The following RAB31 variants were observed in gnomAD, a reference collection of about 807,000 sequenced individuals.
RAB31 encodes the protein RAB31, member RAS oncogene family.
RAB31 carries 21 observed loss-of-function variants against 25.6 expected under a neutral mutation model. The ratio of observed to expected loss-of-function variants is 0.82; its 90% CI spans 0.58 to 1.18. The LOEUF is 1.18. RAB31 is among the 50% of genes most tolerant of loss of function. The pLI, the probability that RAB31 is intolerant of heterozygous loss-of-function variation, is 0.00. For synonymous variants in RAB31, 87 were observed against 84.0 expected (o/e 1.04, Z -0.20); for missense variants, 196 against 250.1 (o/e 0.78, Z 1.46).
chr18:9,737,712 G>A (rs1488072433), intron 1 of RAB31, among the ~76,000 whole-genome samples: 1 of 152,140 alleles, frequency 6.6e-6, no homozygotes, highest in Non-Finnish European at 1.5e-5. Context: ...TTGTCACGAC[G>A]GCAGAAAATT....
At chr18:9,765,872 G>A (rs373641854) in intron 1 of RAB31, among the ~76,000 whole-genome samples, 2 of 150,840 alleles carry the variant, frequency 1.3e-5, no homozygotes, top group African/African-American at 4.9e-5. Flanking sequence ...TTGGGGACCC[G>A]AGACTCTTGT....
chr18:9,800,254 G>A (rs1353898171), intron 3 of RAB31, among the ~76,000 whole-genome samples: 2 of 152,102 alleles, frequency 1.3e-5, no homozygotes, highest in African/African-American at 4.8e-5. Context: ...CCCCTCCTGG[G>A]TTCTCTTGCT....
At chr18:9,825,995 C>T (rs1352800337) in intron 5 of RAB31, among the ~76,000 whole-genome samples, 1 of 152,126 alleles carries the variant, frequency 6.6e-6, no homozygotes, top group Admixed American at 6.5e-5. Context: ...ACGTGGGTGA[C>T]AGAATCAATT....
At chr18:9,758,205 C>T (rs1000657002) in intron 1 of RAB31, 5 of 152,324 alleles carry the variant, frequency 3.3e-5, no homozygotes, top group Non-Finnish European at 5.9e-5. Context: ...TTCGACCTCT[C>T]AGTTCCCTTG....
At chr18:9,770,852 C>CT (rs34745235) in intron 1 of RAB31, among the ~76,000 whole-genome samples, 4,446 of 128,508 alleles carry the variant, frequency 0.035, 95 homozygotes, top group Middle Eastern at 0.064. Flanking sequence ...AGAAATTTGA[C>CT]TTTTTTTTTT....
chr18:9,841,553 A>G (rs2068734424), intron 5 of RAB31, among the ~76,000 whole-genome samples: 1 of 151,640 alleles, frequency 6.6e-6, no homozygotes, highest in Admixed American at 6.6e-5. Flanking sequence ...AAAAAAAAAA[A>G]AAAAAATCTC....
At chr18:9,848,565 A>C (rs1411528649) in intron 6 of RAB31, among the ~76,000 whole-genome samples, 1 of 152,226 alleles carries the variant, frequency 6.6e-6, no homozygotes, top group African/African-American at 2.4e-5. Flanking sequence ...GTACACCTAA[A>C]TATACTGCAG....
intron 6 of RAB31, among the ~76,000 whole-genome samples, chr18:9,858,696 G>A (rs1195834107): frequency 6.6e-6 from 1 of 152,224 alleles, no homozygotes; most frequent in Non-Finnish European, 1.5e-5. Context: ...TCCAGTTAAT[G>A]ATCTAAATGC....
At chr18:9,735,167 G>T (rs1568165379) in intron 1 of RAB31, among the ~76,000 whole-genome samples, 2 of 152,108 alleles carry the variant, frequency 1.3e-5, no homozygotes, top group South Asian at 2.1e-4. Flanking sequence ...ATAGGCGCCT[G>T]CCACCATGCC....
At chr18:9,853,568 A>G (rs556289649) in intron 6 of RAB31, among the ~76,000 whole-genome samples, 3 of 152,304 alleles carry the variant, frequency 2.0e-5, no homozygotes, top group Admixed American at 6.5e-5. Context: ...TTTTTAGGGC[A>G]GTGAAACTGT....
rs143735790 is a variant in RAB31 at position 9,770,419 on chromosome 18, T to C, written c.40-4859T>C. Among the ~76,000 whole-genome samples the C allele has an allele frequency of 6.2e-4, 95 of 152,292 alleles. 1 individual carries two copies. Among genetic ancestry groups the C allele is most frequent in the South Asian group, 6.2e-3 (30 of 4,826 alleles). On this transcript the variant is annotated intron_variant, in intron 1 of 6. Coordinates refer to ENST00000578921, the MANE Select transcript of RAB31 (RefSeq NM_006868.4). ...GTTTTGTGTGGCAGCAGCCAAAACTTTGTGGTTCCTGATTTCATAATTATA... is the reference window on the plus strand; with the variant it reads ...GTTTTGTGTGGCAGCAGCCAAAACTCTGTGGTTCCTGATTTCATAATTATA...
intron 2 of RAB31, among the ~76,000 whole-genome samples, chr18:9,789,304 A>G (rs1316176756): frequency 6.6e-6 from 1 of 152,218 alleles, no homozygotes; most frequent in Non-Finnish European, 1.5e-5. Context: ...AAAATATTCT[A>G]GTGTTCTGTA....
intron 1 of RAB31, among the ~76,000 whole-genome samples, chr18:9,737,066 A>C (rs145018748): frequency 5.3e-5 from 8 of 152,356 alleles, no homozygotes; most frequent in Non-Finnish European, 1.0e-4. Context: ...CTAGCAGAGA[A>C]TCGATTAATG....
chr18:9,823,677 TTA>T (rs2068634817), intron 5 of RAB31, among the ~76,000 whole-genome samples: 1 of 152,152 alleles, frequency 6.6e-6, no homozygotes, highest in African/African-American at 2.4e-5. Flanking sequence ...TACATATGCA[TTA>T]TATATATTAT....
At chr18:9,734,939 A>G (rs1268816684) in intron 1 of RAB31, 9 of 318,766 alleles carry the variant, frequency 2.8e-5, no homozygotes, top group Non-Finnish European at 4.5e-5. Context: ...CCAGAACTTT[A>G]TAGTAGCCCA....
intron 5 of RAB31, among the ~76,000 whole-genome samples, chr18:9,835,953 G>C (rs1480104387): frequency 6.6e-6 from 1 of 151,984 alleles, no homozygotes; most frequent in East Asian, 1.9e-4. Context: ...CCGGAACGGG[G>C]CCTGCTGTGA....
At chr18:9,814,785 G>A (rs1265326371) in intron 4 of RAB31, 1 of 182,280 alleles carries the variant, frequency 5.5e-6, no homozygotes, top group African/African-American at 2.4e-5. Context: ...TTTCTTCCTT[G>A]GTGTAAGCAT....
intron 5 of RAB31, among the ~76,000 whole-genome samples, chr18:9,844,300 G>A (rs780723858): frequency 6.6e-6 from 1 of 152,054 alleles, no homozygotes; most frequent in Admixed American, 6.5e-5. Context: ...TTGCAAATCC[G>A]CCATAACATC....
At chr18:9,761,173 T>C (rs1297022743) in intron 1 of RAB31, among the ~76,000 whole-genome samples, 2 of 152,196 alleles carry the variant, frequency 1.3e-5, no homozygotes, top group South Asian at 2.1e-4. Context: ...AGCAATGTAA[T>C]ATCTTTCCTT....
Sources: gnomAD v4.1 joint callset for allele counts (sites outside exome capture counted in the v4.1 genomes callset) on GRCh38, gnomAD v4.1.1 for gene constraint, MANE v1.5 for transcripts, NCBI Gene and HGNC (gene_info 2026-07-23, HGNC 2026-07-21) for gene names.